SYNE1: variants seen among roughly 807,000 people sequenced by gnomAD.
SYNE1 encodes spectrin repeat containing nuclear envelope protein 1.
In SYNE1, 616 loss-of-function variants were observed where a neutral mutation model predicts 1,111.0. The ratio of observed to expected loss-of-function variants is 0.55; its 90% confidence interval spans 0.52 to 0.59. The LOEUF (loss-of-function observed/expected upper bound fraction) is 0.59, where lower values mean the gene tolerates loss of function less well. Among genes scored for constraint, SYNE1 ranks in the 20% least tolerant of loss-of-function variants. The probability of loss-of-function intolerance (pLI) is 0.00; values close to 1 mark genes in which losing one functional copy is unlikely to be tolerated. For missense variants in SYNE1, 10,006 were observed against 10,417.0 expected (o/e 0.96, Z 1.72); for synonymous variants, 3,855 against 3,825.8 (o/e 1.01, Z -0.28).
chr6:152,287,183 CTT>C (rs535000335), intron 95 of SYNE1, among the ~76,000 whole-genome samples: 1 of 149,732 alleles, frequency 6.7e-6, no homozygotes, highest in African/African-American at 2.4e-5. Context: ...TATTTTCAAA[CTT>C]TTTTTTTTGG....
intron 3 of SYNE1, among the ~76,000 whole-genome samples, chr6:152,549,078 C>T (rs1595139260): frequency 1.3e-5 from 2 of 152,196 alleles, no homozygotes; most frequent in East Asian, 1.9e-4. Context: ...CACCTTGGAT[C>T]TTCAAGCTCA....
intron 128 of SYNE1, among the ~76,000 whole-genome samples, chr6:152,188,373 C>T (rs1228612051): frequency 5.9e-5 from 9 of 152,108 alleles, no homozygotes; most frequent in Non-Finnish European, 1.2e-4. Flanking sequence ...TGCCTTTCCA[C>T]CAATCTTTCC....
chr6:152,326,218 T>TATATC (rs2153953931), intron 79 of SYNE1, 78 bp downstream of exon 79: 1 of 1,611,052 alleles, frequency 6.2e-7, no homozygotes, highest in Admixed American at 1.7e-5. Flanking sequence ...CGTGCTAATG[T>TATATC]ATATCATTCG....
At chr6:152,212,869 A>ATCTGTCAAT (rs1462812939) in intron 123 of SYNE1, among the ~76,000 whole-genome samples, 1 of 152,060 alleles carries the variant, frequency 6.6e-6, no homozygotes, top group African/African-American at 2.4e-5. Flanking sequence ...TTATTTCATC[A>ATCTGTCAAT]TCTGTCAATT....
chr6:152,287,057 T>A (rs986224486), intron 95 of SYNE1, among the ~76,000 whole-genome samples: 1 of 152,262 alleles, frequency 6.6e-6, no homozygotes, highest in African/African-American at 2.4e-5. Flanking sequence ...ACTTTTATAG[T>A]AATTTGACAG....
Position 152,155,951 on chromosome 6 carries a change from C to T in SYNE1, c.23937G>A (p.Arg7979=). The T allele has an allele frequency of 6.2e-7, 1 of 1,614,178 alleles. No homozygotes were observed. Among genetic ancestry groups the T allele is most frequent in the South Asian group, 1.1e-5 (1 of 91,084 alleles). ...TGGACATAGCACAAATGTTTCTCCACCGCCGGTCCAGGTTTCTCGTAGCCT... is the reference window on the plus strand; with the variant it reads ...TGGACATAGCACAAATGTTTCTCCATCGCCGGTCCAGGTTTCTCGTAGCCT... ...IQQATRNLDR[R]WRNICAMSME... The change falls in exon 132 of 146, where the codon CGG becomes CGA. Residue 7979 remains arginine, a synonymous_variant. Transcript: ENST00000367255.
chr6:152,623,663 A>G (rs571786281), intron 3 of SYNE1, among the ~76,000 whole-genome samples: 3 of 152,334 alleles, frequency 2.0e-5, no homozygotes, highest in Admixed American at 2.0e-4. Context: ...AGGAACTTAA[A>G]TTTACAAGAA....
At position 152,510,340 on chromosome 6, in the gene SYNE1, A is replaced by G; in HGVS notation, c.434T>C (p.Leu145Pro). Residue 145 changes from leucine (L) to proline (P), a missense_variant, in exon 8 of 146, where the codon CTC becomes CCC. Around this residue, in one of 7 missense-constraint regions of SYNE1, gnomAD observed 1,971 missense variants for 2,084.1 expected, o/e 0.95. Transcript: ENST00000367255. ...IEELTSNLPQ[L>P]QSLSSSASSV... The stretch of plus-strand genomic sequence containing the variant: ...GGATGCGCTGCTGGACAAAGACTGG[A>G]GCTGGGGCAGGTTGCTGGTCAACTC... 1 of 1,613,918 alleles carries G rather than the reference A, an allele frequency of 6.2e-7. No individual in the cohort carries two copies. Among genetic ancestry groups the G allele is most frequent in the Non-Finnish European group, 8.5e-7 (1 of 1,179,952 alleles).
At chr6:152,180,855 T>C (rs967045948) in intron 128 of SYNE1, among the ~76,000 whole-genome samples, 6 of 152,136 alleles carry the variant, frequency 3.9e-5, no homozygotes, top group Non-Finnish European at 7.4e-5. Flanking sequence ...AGCTCCATAC[T>C]GACACGTGGA....
chr6:152,322,572 T>G (rs1367005393), intron 82 of SYNE1, among the ~76,000 whole-genome samples: 1 of 152,216 alleles, frequency 6.6e-6, no homozygotes, highest in Non-Finnish European at 1.5e-5. Context: ...TTACCTGGAC[T>G]GCGCTCCTAT....
intron 2 of SYNE1, among the ~76,000 whole-genome samples, chr6:152,630,289 C>T (rs2099695842): frequency 6.6e-6 from 1 of 152,168 alleles, no homozygotes. Context: ...AGGCAAACTT[C>T]TCTTGGCTAC....
chr6:152,318,393 T>C lies in SYNE1; in HGVS notation c.16390-130A>G, dbSNP rs1253276848. On this transcript the variant is annotated intron_variant, in intron 85 of 145. Transcript: ENST00000367255. ...TAATTCTACTATAATTCTACTATGATCAGGTCATTTTTGTTTCTTCGGTTG... is the reference window on the plus strand; with the variant it reads ...TAATTCTACTATAATTCTACTATGACCAGGTCATTTTTGTTTCTTCGGTTG... The C allele has an allele frequency of 4.8e-6, 5 of 1,047,170 alleles. No individual in the cohort carries two copies. The East Asian group carries it at 1.3e-4, about 27-fold the overall frequency. The allele number at this position is 1,047,170 out of a possible 1,614,324, so 64.9% of individuals were successfully genotyped here. A position where few individuals can be genotyped will look rare whatever the true frequency, so the allele number is the denominator to read the frequency against.
chr6:152,179,708 C>T (rs566864505), intron 129 of SYNE1, among the ~76,000 whole-genome samples: 142 of 68,938 alleles, frequency 2.1e-3, no homozygotes, highest in Non-Finnish European at 2.5e-3. Context: ...TTTTTTGAGA[C>T]AGAGTCTCGT....
Position 152,450,332 on chromosome 6 carries a change from C to T in SYNE1, c.3395+293G>A, listed in dbSNP as rs565045238. Among the ~76,000 whole-genome samples, 136 of 152,250 alleles carry T rather than the reference C, an allele frequency of 8.9e-4. 2 individuals carry two copies. The Middle Eastern group carries it at 0.014, about 15-fold the overall frequency. ...TTAAACCTCTTTTCTTTATAAATTA[C>T]GCAGTCTCAGGTATGTCTTTATTAG... On this transcript the variant is annotated intron_variant, in intron 27 of 145. Coordinates refer to ENST00000367255, the MANE Select transcript of SYNE1 (RefSeq NM_182961.4).
chr6:152,289,140 G>A (rs2094463160), intron 95 of SYNE1, among the ~76,000 whole-genome samples: 1 of 152,102 alleles, frequency 6.6e-6, no homozygotes, highest in African/African-American at 2.4e-5. Context: ...CATCAAATAT[G>A]TCTTCAGTCC....
At chr6:152,243,613 G>T (rs1411563410) in intron 106 of SYNE1, among the ~76,000 whole-genome samples, 1 of 152,186 alleles carries the variant, frequency 6.6e-6, no homozygotes, top group Non-Finnish European at 1.5e-5. Flanking sequence ...AGTACAAAGT[G>T]GGGGAGGTGG....
intron 130 of SYNE1, chr6:152,167,767 T>C: frequency 1.8e-6 from 1 of 555,486 alleles, no homozygotes; most frequent in African/African-American, 1.9e-5. Context: ...AAATAGCAGA[T>C]GATGGACTAA....
At chr6:152,315,718 T>C (rs980030450) in intron 87 of SYNE1, 1 of 152,244 alleles carries the variant, frequency 6.6e-6, no homozygotes, top group Non-Finnish European at 1.5e-5. Context: ...TTTTTCATTG[T>C]TTTCAAATCA....
chr6:152,546,700 T>C (rs931174253), intron 3 of SYNE1: 2 of 152,178 alleles, frequency 1.3e-5, no homozygotes, highest in Admixed American at 1.3e-4. Context: ...TACTTATTTT[T>C]AAAAACTCTA....
Sources: gnomAD v4.1 joint callset for allele counts (sites outside exome capture counted in the v4.1 genomes callset) on GRCh38, gnomAD v4.1.1 for gene constraint, gnomAD v4.1.1 regional missense constraint, MANE v1.5 for transcripts, NCBI Gene and HGNC (gene_info 2026-07-23, HGNC 2026-07-21) for gene names.